The following JAK2 variants were observed in gnomAD, a reference collection of about 807,000 sequenced individuals.
JAK2 encodes tyrosine-protein kinase JAK2.
Under a neutral mutation model 139.3 loss-of-function variants are expected in JAK2, and 86 were observed. That is an observed-to-expected ratio of 0.62 (90% CI 0.52 to 0.74). JAK2 has a LOEUF of 0.74. Among genes scored for constraint, JAK2 ranks in the 30% least tolerant of loss-of-function variants. The probability of loss-of-function intolerance (pLI) is 0.00; values close to 1 mark genes in which losing one functional copy is unlikely to be tolerated. For synonymous variants in JAK2, 490 were observed against 437.7 expected, an observed-to-expected ratio of 1.12 and a Z score of -1.49; for missense variants, 1,421 against 1,360.3, an observed-to-expected ratio of 1.04 and a Z score of -0.70.
At chr9:5,031,048 C>G (rs143769078) in intron 4 of JAK2, among the ~76,000 whole-genome samples, 1 of 151,920 alleles carries the variant, frequency 6.6e-6, no homozygotes, top group Admixed American at 6.6e-5. Flanking sequence ...AAACAGAAGA[C>G]AGTATAGGAA....
chr9:5,089,460 CCCA>C (rs1237823509), intron 19 of JAK2, among the ~76,000 whole-genome samples: 13 of 145,062 alleles, frequency 9.0e-5, no homozygotes, highest in African/African-American at 3.1e-4. Flanking sequence ...ATGGTGTGAA[CCCA>C]GGGGGCGGAG....
intron 19 of JAK2, chr9:5,085,500 G>A: frequency 1.4e-5 from 10 of 719,332 alleles, no homozygotes; most frequent in Admixed American, 3.6e-5. Context: ...CTTTTGACCC[G>A]AGCTGAAGAA....
At chr9:5,010,638 C>T (rs1821638363) in intron 2 of JAK2, among the ~76,000 whole-genome samples, 1 of 152,124 alleles carries the variant, frequency 6.6e-6, no homozygotes. Context: ...CCTTTTAATA[C>T]ATTTAATAAA....
At chr9:5,122,039 T>C (rs1479752210) in intron 22 of JAK2, among the ~76,000 whole-genome samples, 1 of 152,126 alleles carries the variant, frequency 6.6e-6, no homozygotes, top group Non-Finnish European at 1.5e-5. Flanking sequence ...GGATGTTTAA[T>C]TACGTAGTAT....
At chr9:5,089,200 T>C (rs1430019766) in intron 19 of JAK2, among the ~76,000 whole-genome samples, 2 of 152,206 alleles carry the variant, frequency 1.3e-5, no homozygotes, top group Admixed American at 6.5e-5. Flanking sequence ...CCTGTTGAGA[T>C]AGTATTTCCT....
At chr9:5,022,238 C>T in intron 3 of JAK2, 25 bp downstream of exon 3, 1 of 1,500,016 alleles carries the variant, frequency 6.7e-7, no homozygotes, top group Non-Finnish European at 9.3e-7. Context: ...ACAGCATTTT[C>T]CTTTTTATGC....
intron 22 of JAK2, among the ~76,000 whole-genome samples, chr9:5,116,566 A>G (rs1823190705): frequency 6.6e-6 from 1 of 152,216 alleles, no homozygotes; most frequent in Non-Finnish European, 1.5e-5. Context: ...GTTAAATAAA[A>G]TTAGCTGGCA....
At chr9:5,035,234 A>C (rs1823489239) in intron 4 of JAK2, among the ~76,000 whole-genome samples, 1 of 152,252 alleles carries the variant, frequency 6.6e-6, no homozygotes, top group African/African-American at 2.4e-5. Flanking sequence ...AATTGAGGCA[A>C]TAATTAATAG....
chr9:5,032,288 G>A (rs1823218640), intron 4 of JAK2, among the ~76,000 whole-genome samples: 1 of 152,234 alleles, frequency 6.6e-6, no homozygotes, highest in Non-Finnish European at 1.5e-5. Context: ...AGCTCAAGGA[G>A]GCCTGCCGGC....
chr9:5,129,817 T>C lies in JAK2; in HGVS notation c.*3026T>C, dbSNP rs974898173. 3.3e-5 allele frequency among the ~76,000 whole-genome samples: 5 copies of C among 152,194 alleles called. No homozygotes were observed. The highest frequency in any genetic ancestry group is 1.2e-4 in the African/African-American group (5 of 41,464). The stretch of plus-strand genomic sequence containing the variant: ...CAGTCAAATTCATGTATGTATATCA[T>C]ATAGCCTTTAACTTTTTACATTAAT... On this transcript the variant is annotated 3_prime_UTR_variant, in exon 25 of 25. Coordinates refer to ENST00000381652, the MANE Select transcript of JAK2 (RefSeq NM_004972.4).
At chr9:5,084,929 A>G in intron 19 of JAK2, 1 of 566,574 alleles carries the variant, frequency 1.8e-6, no homozygotes, top group Non-Finnish European at 3.4e-6. Flanking sequence ...TGAAGCAAAC[A>G]AAGTGTATTC....
intron 4 of JAK2, among the ~76,000 whole-genome samples, chr9:5,033,692 A>G (rs1823340755): frequency 6.6e-6 from 1 of 152,208 alleles, no homozygotes; most frequent in Non-Finnish European, 1.5e-5. Context: ...GCAAATGCTG[A>G]GAGATTTTGT....
In JAK2 at chr9:5,087,021, C is replaced by G. The variant is rs1290072454; in HGVS notation, c.2572-2653C>G. On this transcript the variant is annotated intron_variant, in intron 19 of 24. Coordinates refer to ENST00000381652, the MANE Select transcript of JAK2 (RefSeq NM_004972.4). ...GCATTTTTAAATTGTGCTTCCATCC[C>G]TCAAACACTAAAAGAAAAAAATCAG... 9.2e-5 allele frequency among the ~76,000 whole-genome samples: 14 copies of G among 152,176 alleles called. No homozygotes were observed. In the East Asian group the frequency reaches 2.1e-3, roughly 23 times the overall value.
At chr9:5,126,478 T>C (rs766478983) in intron 24 of JAK2, 32 bp downstream of exon 24, 2 of 1,420,332 alleles carry the variant, frequency 1.4e-6, no homozygotes, top group Admixed American at 1.8e-5. Flanking sequence ...AGGGTAGTCA[T>C]GCATTTTCTT....
chr9:5,000,987 T>A (rs1000326410), intron 2 of JAK2, among the ~76,000 whole-genome samples: 2 of 152,146 alleles, frequency 1.3e-5, no homozygotes, highest in Admixed American at 1.3e-4. Context: ...GCATCAAAAA[T>A]ACAGAATAAA....
chr9:5,117,229 T>C (rs527842011), intron 22 of JAK2, among the ~76,000 whole-genome samples: 21 of 152,232 alleles, frequency 1.4e-4, no homozygotes, highest in Non-Finnish European at 2.9e-4. Context: ...TTATAAATTA[T>C]CCATTGTCAG....
intron 2 of JAK2, among the ~76,000 whole-genome samples, chr9:5,018,177 TC>T (rs1256664888): frequency 6.6e-6 from 1 of 152,192 alleles, no homozygotes; most frequent in Non-Finnish European, 1.5e-5. Context: ...TTTGTTCTTT[TC>T]TTTCTCTCAT....
At chr9:5,062,740 C>A (rs773433657) in intron 8 of JAK2, among the ~76,000 whole-genome samples, 5 of 151,994 alleles carry the variant, frequency 3.3e-5, no homozygotes, top group Non-Finnish European at 7.4e-5. Context: ...TGGATGTTAT[C>A]AATCTTTTAA....
Position 5,085,126 on chromosome 9 carries a change from C to T in JAK2, c.2571+3265C>T, listed in dbSNP as rs147796098. 1,882 of 649,396 alleles carry T rather than the reference C, an allele frequency of 2.9e-3. 24 individuals are homozygous for T. The highest frequency in any genetic ancestry group is 0.029 in the African/African-American group (1,610 of 55,648). 40.2% of individuals were successfully genotyped at this position (649,396 alleles called of 1,614,324 possible). On this transcript the variant is annotated intron_variant, in intron 19 of 24. Coordinates refer to ENST00000381652, the MANE Select transcript of JAK2 (RefSeq NM_004972.4). Reference sequence around the variant, plus strand: ...GGCAAGGTAGGTTGTTTGTTTTACACCATCACTCTGTAATACATACTGTGG... The same window carrying T: ...GGCAAGGTAGGTTGTTTGTTTTACATCATCACTCTGTAATACATACTGTGG...
Sources: gnomAD v4.1 joint callset for allele counts (sites outside exome capture counted in the v4.1 genomes callset) on GRCh38, gnomAD v4.1.1 for gene constraint, MANE v1.5 for transcripts, NCBI Gene and HGNC (gene_info 2026-07-23, HGNC 2026-07-21) for gene names.